The following SYNGR4 variants were observed in gnomAD, a reference collection of about 807,000 sequenced individuals.
The protein encoded by SYNGR4 is synaptogyrin 4.
A neutral mutation model predicts 15.5 loss-of-function variants in SYNGR4; 15 were observed. The observed-to-expected ratio is 0.97, with a 90% confidence interval of 0.65 to 1.49. The LOEUF (loss-of-function observed/expected upper bound fraction) is 1.49. SYNGR4 is among the 40% of genes most tolerant of loss of function. The pLI, the probability that SYNGR4 is intolerant of heterozygous loss-of-function variation, is 0.00. For missense variants in SYNGR4, 292 were observed against 299.3 expected, an observed-to-expected ratio of 0.98 and a Z score of 0.18; for synonymous variants, 121 against 127.4, an observed-to-expected ratio of 0.95 and a Z score of 0.34.
chr19:48,372,575 C>CG (rs1485206169), intron 2 of SYNGR4, among the ~76,000 whole-genome samples: 2 of 151,570 alleles, frequency 1.3e-5, no homozygotes, highest in Admixed American at 6.6e-5. Flanking sequence ...GCGTGAACCC[C>CG]GGGGGCCGGA....
chr19:48,373,371 G>C, intron 2 of SYNGR4, 146 bp from the exon 3 acceptor site: 1 of 707,978 alleles, frequency 1.4e-6, no homozygotes, highest in Non-Finnish European at 2.4e-6. Context: ...GGAAGCTGAG[G>C]GCTCTGACAC....
Position 48,365,766 on chromosome 19 carries a change from C to G in SYNGR4, c.-77C>G. The G allele has an allele frequency of 6.6e-7, 1 of 1,514,130 alleles. No individual in the cohort carries two copies. 93.8% of individuals were successfully genotyped at this position (1,514,130 alleles called of 1,614,324 possible). On this transcript the variant is annotated 5_prime_UTR_variant, in exon 2 of 5. Coordinates refer to ENST00000344846, the MANE Select transcript of SYNGR4 (RefSeq NM_012451.4). ...AAGCCCAGGGCTGGCCTGAAGCCCC[C>G]GGACGGCAGTGCCCAGCAGGCAGCG...
rs534013737 is a variant in SYNGR4 at position 48,372,122 on chromosome 19, C to T, written c.94-1395C>T. 9.2e-5 allele frequency among the ~76,000 whole-genome samples: 14 copies of T among 152,144 alleles called. No homozygotes were observed. The South Asian group carries it at 2.1e-3, about 23-fold the overall frequency. The stretch of plus-strand genomic sequence containing the variant: ...CTGGTCTCAAACTCCTGGCCTGACA[C>T]GATCCTCCCATCTCAACCTCCCAAA... On this transcript the variant is annotated intron_variant, in intron 2 of 4. Transcript: ENST00000344846.
Position 48,365,767 on chromosome 19 carries a change from G to C in SYNGR4, c.-76G>C. The stretch of plus-strand genomic sequence containing the variant: ...AGCCCAGGGCTGGCCTGAAGCCCCC[G>C]GACGGCAGTGCCCAGCAGGCAGCGC... On this transcript the variant is annotated 5_prime_UTR_variant, in exon 2 of 5. Transcript: ENST00000344846. 1.4e-6 allele frequency: 2 copies of C among 1,465,658 alleles called. No homozygotes were observed. Among genetic ancestry groups the C allele is most frequent in the Non-Finnish European group, 1.9e-6 (2 of 1,068,038 alleles). The allele number at this position is 1,465,658 out of a possible 1,614,324, so 90.8% of individuals were successfully genotyped here. A position where few individuals can be genotyped will look rare whatever the true frequency, so the allele number is the denominator to read the frequency against.
At chr19:48,373,834 A>G in intron 3 of SYNGR4, 80 bp downstream of exon 3, 1 of 1,411,398 alleles carries the variant, frequency 7.1e-7, no homozygotes, top group South Asian at 1.2e-5. Context: ...CCTCCCGGGC[A>G]CAACCCTTCA....
intron 3 of SYNGR4, among the ~76,000 whole-genome samples, chr19:48,374,570 G>A (rs189249434): frequency 3.1e-3 from 478 of 152,336 alleles, no homozygotes; most frequent in Middle Eastern, 0.017. Flanking sequence ...AGCCTTAGAA[G>A]GTCATCGAAT....
intron 1 of SYNGR4, among the ~76,000 whole-genome samples, chr19:48,365,385 C>A (rs1430877667): frequency 1.1e-5 from 1 of 87,204 alleles, no homozygotes; most frequent in Non-Finnish European, 2.6e-5. Context: ...ATGCCTCCCA[C>A]TTCTGGGACC....
At chr19:48,367,276 C>CA (rs1970237107) in intron 2 of SYNGR4, among the ~76,000 whole-genome samples, 3 of 151,548 alleles carry the variant, frequency 2.0e-5, no homozygotes, top group African/African-American at 4.9e-5. Context: ...ACTAAAAATA[C>CA]AAAAAAATTA....
intron 3 of SYNGR4, among the ~76,000 whole-genome samples, chr19:48,374,595 G>A (rs939904983): frequency 9.9e-5 from 15 of 152,198 alleles, no homozygotes; most frequent in Non-Finnish European, 5.9e-5. Context: ...TGCTGTGCAG[G>A]AGAACTCCCT....
At chr19:48,369,970 A>G (rs1283507186) in intron 2 of SYNGR4, among the ~76,000 whole-genome samples, 1 of 152,176 alleles carries the variant, frequency 6.6e-6, no homozygotes, top group Non-Finnish European at 1.5e-5. Context: ...CTGAAGGGCT[A>G]GGCAAAAACA....
In SYNGR4 at chr19:48,376,266, CCT is replaced by C. The variant is rs762459591; in HGVS notation, c.654_655del (p.Cys219SerfsTer14). The stretch of plus-strand genomic sequence containing the variant: ...AGTTATGCTAGCTCTGCCCTGTCCC[CCT>C]GTCTGACCGCTCCAAAGTCCCCCCG... On this transcript the variant is annotated frameshift_variant, in exon 5 of 5. Coordinates refer to ENST00000344846, the MANE Select transcript of SYNGR4 (RefSeq NM_012451.4). LOFTEE classifies it high-confidence loss of function. The C allele has an allele frequency of 2.9e-5, 46 of 1,613,438 alleles. No individual in the cohort carries two copies. Among genetic ancestry groups the C allele is most frequent in the African/African-American group, 1.3e-4 (10 of 74,886 alleles).
intron 2 of SYNGR4, among the ~76,000 whole-genome samples, chr19:48,370,672 G>A (rs1199840346): frequency 6.6e-6 from 1 of 151,896 alleles, no homozygotes; most frequent in South Asian, 2.1e-4. Flanking sequence ...TGATCCTTCC[G>A]CCTTAACCTC....
At chr19:48,370,786 C>T (rs1249042657) in intron 2 of SYNGR4, among the ~76,000 whole-genome samples, 1 of 152,124 alleles carries the variant, frequency 6.6e-6, no homozygotes, top group Admixed American at 6.5e-5. Flanking sequence ...CAACCCCTAT[C>T]GCCAACACTG....
At chr19:48,365,662 C>A in intron 1 of SYNGR4, 74 bp from the exon 2 acceptor site, 1 of 459,498 alleles carries the variant, frequency 2.2e-6, no homozygotes, top group East Asian at 3.9e-5. Flanking sequence ...CCCATGTCCC[C>A]CAATCCTGGG....
rs757089073 is a variant in SYNGR4, at chr19:48,365,840, GC to G, written c.-1del. 5 of 1,613,628 alleles carry G rather than the reference GC, an allele frequency of 3.1e-6. No homozygotes were observed. In the South Asian group the frequency reaches 5.5e-5, roughly 18 times the overall value. ...CCAGTGGCCCCAAAGGAAAACAGCT[GC>G]CATGCACATCCCCAAAAGCCTCCAG... On this transcript the variant is annotated 5_prime_UTR_variant, in exon 2 of 5. Coordinates refer to ENST00000344846, the MANE Select transcript of SYNGR4 (RefSeq NM_012451.4).
At chr19:48,364,734 C>T (rs1970162505) in intron 1 of SYNGR4, among the ~76,000 whole-genome samples, 197 bp downstream of exon 1, 1 of 152,062 alleles carries the variant, frequency 6.6e-6, no homozygotes, top group African/African-American at 2.4e-5. Flanking sequence ...ACGAAGGGTG[C>T]TGTCACCCCC....
At chr19:48,367,806 C>CA (rs1341027898) in intron 2 of SYNGR4, among the ~76,000 whole-genome samples, 2 of 152,214 alleles carry the variant, frequency 1.3e-5, no homozygotes, top group African/African-American at 4.8e-5. Context: ...AATCACTGTT[C>CA]ATCTCTGGAT....
chr19:48,368,817 G>A (rs757248195), intron 2 of SYNGR4, among the ~76,000 whole-genome samples: 11 of 152,162 alleles, frequency 7.2e-5, no homozygotes, highest in African/African-American at 1.2e-4. Flanking sequence ...CAGATCTTTC[G>A]CTGGTGTTAG....
chr19:48,368,731 C>T (rs1970257859), intron 2 of SYNGR4, among the ~76,000 whole-genome samples: 1 of 152,138 alleles, frequency 6.6e-6, no homozygotes, highest in Admixed American at 6.6e-5. Context: ...GAGGAGAGGG[C>T]CTAGGATGAT....
Sources: gnomAD v4.1 joint callset for allele counts (sites outside exome capture counted in the v4.1 genomes callset) on GRCh38, gnomAD v4.1.1 for gene constraint, MANE v1.5 for transcripts, NCBI Gene and HGNC (gene_info 2026-07-23, HGNC 2026-07-21) for gene names.